CD247: variants seen among roughly 807,000 people sequenced by gnomAD.
CD247 encodes T-cell surface glycoprotein CD3 zeta chain.
CD247 carries 13 observed loss-of-function variants against 30.0 expected under a neutral mutation model. That is an observed-to-expected ratio of 0.43 (90% CI 0.28 to 0.69). CD247 has a LOEUF of 0.69. Ranked by LOEUF, CD247 falls within the 30% of genes least tolerant of loss-of-function variation. CD247 has a pLI of 0.16. For synonymous variants in CD247, 72 were observed against 80.0 expected (o/e 0.90, Z 0.53); for missense variants, 193 against 212.6 (o/e 0.91, Z 0.57).
chr1:167,504,987 C>G (rs1486596856), intron 1 of CD247, among the ~76,000 whole-genome samples: 2 of 152,144 alleles, frequency 1.3e-5, no homozygotes, highest in Non-Finnish European at 2.9e-5. Context: ...AAGAAGAGTC[C>G]TCACAATACC....
chr1:167,433,315 T>TA (rs1651365991), intron 6 of CD247, among the ~76,000 whole-genome samples: 1 of 152,216 alleles, frequency 6.6e-6, no homozygotes, highest in Admixed American at 6.5e-5. Flanking sequence ...ATCAGATTCC[T>TA]AAGGTCTAGG....
intron 1 of CD247, among the ~76,000 whole-genome samples, chr1:167,443,143 T>G (rs1045872359): frequency 3.9e-5 from 6 of 152,060 alleles, no homozygotes; most frequent in Non-Finnish European, 8.8e-5. Context: ...AGAGCCTATA[T>G]CCCCCAAAGC....
At chr1:167,463,712 T>C (rs1773542) in intron 1 of CD247, among the ~76,000 whole-genome samples, 46,051 of 152,178 alleles carry the variant, frequency 0.3, 7,760 homozygotes, top group Middle Eastern at 0.43. Context: ...GACCCCATTG[T>C]AATGATTGGT....
intron 1 of CD247, among the ~76,000 whole-genome samples, chr1:167,481,832 G>C (rs1653984467): frequency 6.6e-6 from 1 of 152,174 alleles, no homozygotes; most frequent in African/African-American, 2.4e-5. Flanking sequence ...AGGGACTCCT[G>C]TCTGCCCCAT....
chr1:167,459,446 G>C (rs921961496), intron 1 of CD247, among the ~76,000 whole-genome samples: 21 of 140,692 alleles, frequency 1.5e-4, no homozygotes, highest in African/African-American at 4.6e-4. Context: ...TCCACCTCCC[G>C]GGTTCAAGCG....
At chr1:167,440,981 C>T (rs1651796642) in intron 1 of CD247, among the ~76,000 whole-genome samples, 1 of 152,190 alleles carries the variant, frequency 6.6e-6, no homozygotes, top group Admixed American at 6.5e-5. Flanking sequence ...GATGTGGCCG[C>T]TGTGGGGCCA....
intron 1 of CD247, among the ~76,000 whole-genome samples, chr1:167,501,469 A>T (rs999649169): frequency 6.6e-6 from 1 of 152,230 alleles, no homozygotes; most frequent in African/African-American, 2.4e-5. Context: ...TTTTGTAAAC[A>T]AGCAGGTCTC....
intron 1 of CD247, among the ~76,000 whole-genome samples, chr1:167,475,843 T>C (rs1461557612): frequency 2.0e-5 from 3 of 152,224 alleles, no homozygotes; most frequent in Non-Finnish European, 4.4e-5. Context: ...ATTCTAGATA[T>C]GCAAGAGACA....
chr1:167,443,522 C>T (rs1281013650), intron 1 of CD247, among the ~76,000 whole-genome samples: 1 of 152,174 alleles, frequency 6.6e-6, no homozygotes, highest in African/African-American at 2.4e-5. Context: ...ATTTATGGGA[C>T]TGGTTGAGAC....
intron 1 of CD247, among the ~76,000 whole-genome samples, chr1:167,516,013 C>T (rs1417332174): frequency 6.6e-6 from 1 of 152,172 alleles, no homozygotes; most frequent in Non-Finnish European, 1.5e-5. Context: ...AAGTAACTTG[C>T]CTAAGGTTGC....
chr1:167,432,306 C>T (rs36125795), intron 7 of CD247, among the ~76,000 whole-genome samples: 2 of 152,172 alleles, frequency 1.3e-5, no homozygotes, highest in African/African-American at 4.8e-5. Flanking sequence ...TGCTGGAATG[C>T]CTGTCCCCCT....
intron 1 of CD247, among the ~76,000 whole-genome samples, chr1:167,495,045 G>C (rs191987667): frequency 1.3e-5 from 2 of 152,328 alleles, no homozygotes; most frequent in African/African-American, 4.8e-5. Flanking sequence ...TGGTGGCCCA[G>C]GTGGCTGCCT....
chr1:167,473,762 G>A (rs1328262364), intron 1 of CD247, among the ~76,000 whole-genome samples: 3 of 152,166 alleles, frequency 2.0e-5, no homozygotes, highest in Non-Finnish European at 4.4e-5. Flanking sequence ...AGACTTTGAG[G>A]AGCTCTCACT....
At chr1:167,442,151 C>A in intron 1 of CD247, among the ~76,000 whole-genome samples, 1 of 152,232 alleles carries the variant, frequency 6.6e-6, no homozygotes, top group East Asian at 1.9e-4. Flanking sequence ...TTTGGAACAT[C>A]ATTGCACTGT....
At chr1:167,476,996 G>T (rs1242960870) in intron 1 of CD247, among the ~76,000 whole-genome samples, 3 of 152,210 alleles carry the variant, frequency 2.0e-5, no homozygotes, top group Non-Finnish European at 4.4e-5. Context: ...TGTAGTATTT[G>T]TTCTTATCAT....
intron 1 of CD247, among the ~76,000 whole-genome samples, chr1:167,500,897 G>T (rs1189043393): frequency 6.6e-6 from 1 of 152,120 alleles, no homozygotes; most frequent in Non-Finnish European, 1.5e-5. Context: ...CATCCCAGCT[G>T]TGTGGCTGCC....
chr1:167,443,554 A>G (rs560009399), intron 1 of CD247, among the ~76,000 whole-genome samples: 1 of 152,332 alleles, frequency 6.6e-6, no homozygotes, highest in East Asian at 1.9e-4. Flanking sequence ...TCCAGGAGAA[A>G]ATCACTCAGC....
At chr1:167,448,021 C>T (rs539026430) in intron 1 of CD247, among the ~76,000 whole-genome samples, 48 of 152,048 alleles carry the variant, frequency 3.2e-4, no homozygotes, top group Non-Finnish European at 5.9e-4. Flanking sequence ...TGATGCCGAC[C>T]CATTGACCAC....
chr1:167,498,432 CT>C (rs1368698371), intron 1 of CD247, among the ~76,000 whole-genome samples: 1 of 152,206 alleles, frequency 6.6e-6, no homozygotes, highest in Non-Finnish European at 1.5e-5. Context: ...TCAAAAGAGT[CT>C]TGCGATCAGC....
Sources: gnomAD v4.1 joint callset for allele counts (sites outside exome capture counted in the v4.1 genomes callset) on GRCh38, gnomAD v4.1.1 for gene constraint, MANE v1.5 for transcripts, NCBI Gene and HGNC (gene_info 2026-07-23, HGNC 2026-07-21) for gene names.